The following LCA5L variants were observed in gnomAD, a reference collection of about 807,000 sequenced individuals.
The protein encoded by LCA5L is lebercilin LCA5 like, also known as lebercilin-like protein.
In LCA5L, 35 loss-of-function variants were observed where a neutral mutation model predicts 45.4. The ratio of observed to expected loss-of-function variants is 0.77; its 90% CI spans 0.59 to 1.02. The LOEUF is 1.02. LCA5L is among the 50% of genes least tolerant of loss of function. LCA5L has a pLI of 0.00. For missense variants in LCA5L, 668 were observed against 761.6 expected (o/e 0.88, Z 1.45); for synonymous variants, 233 against 264.7 (o/e 0.88, Z 1.16).
chr21:39,442,179 T>C (rs1175145747), intron 2 of LCA5L, among the ~76,000 whole-genome samples: 2 of 151,976 alleles, frequency 1.3e-5, no homozygotes, highest in Non-Finnish European at 2.9e-5. Context: ...GGGAACTAAT[T>C]AGGCAAGAGA....
chr21:39,432,116 A>G (rs1377697195), intron 3 of LCA5L, among the ~76,000 whole-genome samples: 1 of 152,218 alleles, frequency 6.6e-6, no homozygotes, highest in East Asian at 1.9e-4. Context: ...TTTAGATGCT[A>G]TATTCTTTTG....
At chr21:39,434,656 T>TACA (rs886892934) in intron 3 of LCA5L, among the ~76,000 whole-genome samples, 1 of 152,130 alleles carries the variant, frequency 6.6e-6, no homozygotes, top group African/African-American at 2.4e-5. Context: ...TAGCTGGGAT[T>TACA]ACAGGCACAT....
At chr21:39,407,153 G>C (rs946669008) in intron 10 of LCA5L, among the ~76,000 whole-genome samples, 1 of 152,200 alleles carries the variant, frequency 6.6e-6, no homozygotes, top group Non-Finnish European at 1.5e-5. Context: ...CTTGAGCCCA[G>C]GAGGACAAGA....
At chr21:39,443,046 G>A (rs140947895) in intron 2 of LCA5L, among the ~76,000 whole-genome samples, 1 of 152,308 alleles carries the variant, frequency 6.6e-6, no homozygotes, top group Non-Finnish European at 1.5e-5. Flanking sequence ...GACAGTGTTT[G>A]TAGAGTGAAA....
At position 39,409,992 on chromosome 21, in the gene LCA5L, C is replaced by T; in HGVS notation, c.1269G>A (p.Lys423=). ...VNKLPKQEDS[K]RKYEDLSGEE... ...AGTTAAAATTACCTTCATATTTTCT[C>T]TTAGAATCCTCTTGCTTTGGTAGTT... Residue 423 remains lysine, a synonymous_variant, in exon 10 of 11, where the codon AAG becomes AAA. Transcript: ENST00000288350. This position sits in a 1 kb window ranked among gnomAD's most constrained non-coding sequence, Gnocchi z 4.2. 6.5e-7 allele frequency: 1 copy of T among 1,541,340 alleles called. No homozygotes were observed. Among genetic ancestry groups the T allele is most frequent in the Non-Finnish European group, 8.9e-7 (1 of 1,118,992 alleles).
intron 2 of LCA5L, 57 bp from the exon 3 acceptor site, chr21:39,435,630 TAATAAG>T (rs1299924115): frequency 2.6e-5 from 4 of 152,186 alleles, no homozygotes; most frequent in South Asian, 2.1e-4. Flanking sequence ...CATATTTATG[TAATAAG>T]AATAAGGTTT....
intron 2 of LCA5L, chr21:39,438,855 C>T (rs771935322): frequency 1.3e-4 from 20 of 151,888 alleles, no homozygotes; most frequent in Admixed American, 7.9e-4. Flanking sequence ...CTCTAAGATA[C>T]GTTCATTTTC....
At chr21:39,415,881 C>CT (rs762773681) in intron 7 of LCA5L, among the ~76,000 whole-genome samples, 28 of 152,146 alleles carry the variant, frequency 1.8e-4, no homozygotes, top group Middle Eastern at 3.2e-3. Context: ...CTCCCCTCTT[C>CT]TTTTTTCAGT....
intron 2 of LCA5L, among the ~76,000 whole-genome samples, chr21:39,441,924 T>C (rs2076907403): frequency 6.6e-6 from 1 of 152,206 alleles, no homozygotes; most frequent in Non-Finnish European, 1.5e-5. Flanking sequence ...TCAGCACCCA[T>C]TTGAGTGCTT....
intron 7 of LCA5L, among the ~76,000 whole-genome samples, chr21:39,417,800 C>G (rs2041503412): frequency 6.6e-6 from 1 of 152,088 alleles, no homozygotes; most frequent in South Asian, 2.1e-4. Flanking sequence ...GAGTCTCGCT[C>G]TGTCGCCCAG....
In LCA5L at chr21:39,406,627, T is replaced by C. The variant is rs756770739; in HGVS notation, c.1283-15A>G. 10 of 1,540,262 alleles carry C rather than the reference T, an allele frequency of 6.5e-6. No individual in the cohort carries two copies. In the Admixed American group the frequency reaches 1.9e-4, roughly 29 times the overall value. On this transcript the variant is annotated splice_polypyrimidine_tract_variant and intron_variant, in intron 10 of 10. Coordinates refer to ENST00000288350, the MANE Select transcript of LCA5L (RefSeq NM_152505.4). ...CCCTGATAAATCTATATTAGAAAAATAGGCAATTTAGTGCTGTTTAAAATG... is the reference window on the plus strand; with the variant it reads ...CCCTGATAAATCTATATTAGAAAAACAGGCAATTTAGTGCTGTTTAAAATG...
chr21:39,439,880 A>G (rs535209576), intron 2 of LCA5L: 2 of 152,352 alleles, frequency 1.3e-5, no homozygotes, highest in East Asian at 1.9e-4. Flanking sequence ...AACTGAGGAC[A>G]TAAGTAAATA....
At position 39,405,888 on chromosome 21, in the gene LCA5L, A is replaced by G. The variant is rs184085067; in HGVS notation, c.2007T>C (p.Ile669=). 1.1e-5 allele frequency: 18 copies of G among 1,571,614 alleles called. No homozygotes were observed. In the African/African-American group the frequency reaches 2.3e-4, roughly 20 times the overall value. The change falls in exon 11 of 11, where the codon ATT becomes ATC. Residue 669 remains isoleucine, a synonymous_variant. Transcript: ENST00000288350. ...ATTAGGATATTGATTATATTTAAAT[A>G]ATTATTTTTCTTTTTCCTTCTGTAG... ...SSPTEGKRKI[I]I
Position 39,428,202 on chromosome 21 carries a change from A to G in LCA5L, c.292T>C (p.Tyr98His), listed in dbSNP as rs960313011. Residue 98 changes from tyrosine to histidine, a missense_variant, in exon 5 of 11, where the codon TAT becomes CAT. Coordinates refer to ENST00000288350, the MANE Select transcript of LCA5L (RefSeq NM_152505.4). Reference protein sequence around the residue: ...PVVKEKEKKKYNVSKISQSKG... With the variant: ...PVVKEKEKKKHNVSKISQSKG... ...GATTGGGAGATTTTAGAAACATTAT[A>G]CTTTTTCTTCTCCTTTTCTTTTACC... The G allele has an allele frequency of 1.3e-6, 2 of 1,595,832 alleles. No homozygotes were observed. Among genetic ancestry groups the G allele is most frequent in the African/African-American group, 1.4e-5 (1 of 74,052 alleles).
At chr21:39,444,475 T>C (rs1008234477) in intron 1 of LCA5L, among the ~76,000 whole-genome samples, 5 of 152,212 alleles carry the variant, frequency 3.3e-5, no homozygotes, top group Admixed American at 6.5e-5. Flanking sequence ...CTTTTACCTA[T>C]GGAAGTTGTA....
At chr21:39,419,327 C>G (rs777887041) in intron 7 of LCA5L, among the ~76,000 whole-genome samples, 2 of 151,970 alleles carry the variant, frequency 1.3e-5, no homozygotes, top group Non-Finnish European at 2.9e-5. Context: ...GAGTTTGAGA[C>G]CAGCCTGGGC....
At chr21:39,410,708 C>T (rs1213842429) in intron 8 of LCA5L, 1 of 391,208 alleles carries the variant, frequency 2.6e-6, no homozygotes, top group East Asian at 7.1e-5. Flanking sequence ...TGTGGCGGAG[C>T]TCTTGATTAT....
At chr21:39,416,986 A>G (rs894852281) in intron 7 of LCA5L, among the ~76,000 whole-genome samples, 1 of 152,188 alleles carries the variant, frequency 6.6e-6, no homozygotes, top group African/African-American at 2.4e-5. Flanking sequence ...GGCTAACTGT[A>G]TACACATTTG....
intron 10 of LCA5L, 56 bp from the exon 11 acceptor site, chr21:39,406,668 C>G (rs1474523295): frequency 1.5e-6 from 2 of 1,364,462 alleles, no homozygotes; most frequent in Non-Finnish European, 2.0e-6. Flanking sequence ...ATCTCTATTT[C>G]AAGATGGCAT....
Sources: gnomAD v4.1 joint callset for allele counts (sites outside exome capture counted in the v4.1 genomes callset) on GRCh38, gnomAD v4.1.1 for gene constraint, Gnocchi (gnomAD v3.1) non-coding constraint, MANE v1.5 for transcripts, NCBI Gene and HGNC (gene_info 2026-07-23, HGNC 2026-07-21) for gene names.